Variants in C7 observed in about 807,000 individuals in gnomAD.
C7 encodes complement C7, also known as complement component C7.
In C7, 83 loss-of-function variants were observed where a neutral mutation model predicts 104.8. That is an observed-to-expected ratio of 0.79 (90% confidence interval 0.66 to 0.95). The LOEUF (loss-of-function observed/expected upper bound fraction) is 0.95. C7 is among the 40% of genes least tolerant of loss of function. The pLI is 0.00. For missense variants in C7, 1,070 were observed against 1,011.2 expected (o/e 1.06, Z -0.79); for synonymous variants, 415 against 360.6 (o/e 1.15, Z -1.71).
chr5:40,976,898 T>TC, intron 16 of C7, 58 bp downstream of exon 16: 1 of 1,307,192 alleles, frequency 7.6e-7, no homozygotes, highest in South Asian at 1.3e-5. Context: ...AGGGATAATT[T>TC]CTTAGATAAT....
chr5:40,919,791 A>G lies in C7; in HGVS notation c.7-8789A>G, dbSNP rs375314597. 7.9e-5 allele frequency among the ~76,000 whole-genome samples: 12 copies of G among 152,240 alleles called. No individual in the cohort carries two copies. The East Asian group carries it at 2.1e-3, about 27-fold the overall frequency. On this transcript the variant is annotated intron_variant, in intron 1 of 17. Transcript: ENST00000313164. ...GATAAAAATCTTGTTATCTTAAGATAAACAAAAATGGAAACACAACATAGC... is the reference window on the plus strand; with the variant it reads ...GATAAAAATCTTGTTATCTTAAGATGAACAAAAATGGAAACACAACATAGC...
At position 40,947,668 on chromosome 5, in the gene C7, T is replaced by A. The variant is rs1052406284; in HGVS notation, c.805T>A (p.Phe269Ile). 6.2e-7 allele frequency: 1 copy of A among 1,613,678 alleles called. No individual in the cohort carries two copies. Among genetic ancestry groups the A allele is most frequent in the Admixed American group, 1.7e-5 (1 of 59,910 alleles). The change falls in exon 8 of 18, where the codon TTT (phenylalanine) becomes ATT (isoleucine). Residue 269 changes from phenylalanine to isoleucine, a missense_variant. Coordinates refer to ENST00000313164, the MANE Select transcript of C7 (RefSeq NM_000587.4). ...VAQFINNNPE[F>I]LQLAEPFWKE... The stretch of plus-strand genomic sequence containing the variant: ...TCAGTTCATTAATAACAATCCAGAA[T>A]TTTTACAACTTGCTGAGCCATTCTG...
chr5:40,972,740 G>A (rs201365945), intron 15 of C7, 146 bp downstream of exon 15: 1 of 473,188 alleles, frequency 2.1e-6, no homozygotes, highest in East Asian at 4.5e-5. Context: ...TGTAGACTGA[G>A]TAACAGATTT....
At chr5:40,933,094 A>T (rs531256865) in intron 3 of C7, among the ~76,000 whole-genome samples, 12 of 152,174 alleles carry the variant, frequency 7.9e-5, no homozygotes, top group South Asian at 4.1e-4. Context: ...TGGTATCAAG[A>T]AACCTTACCG....
intron 1 of C7, among the ~76,000 whole-genome samples, chr5:40,927,660 A>T (rs762634215): frequency 6.6e-6 from 1 of 152,180 alleles, no homozygotes; most frequent in African/African-American, 2.4e-5. Context: ...AAGAGAAGAC[A>T]TGCAAATGGC....
At chr5:40,933,560 TC>T in intron 3 of C7, among the ~76,000 whole-genome samples, 1 of 152,346 alleles carries the variant, frequency 6.6e-6, no homozygotes, top group South Asian at 2.1e-4. Flanking sequence ...TATATTCTTT[TC>T]CCTCAAGAGG....
At position 40,958,035 on chromosome 5, in the gene C7, G is replaced by A; in HGVS notation, c.1263G>A (p.Leu421=). ...CTATAATGTCTTTATCTCTATAGCT[G>A]ACACCTTTATATGAGCTGGTAAAGG... The part of the protein sequence containing the change: ...TNLPQVIKQK[L]TPLYELVKEV... The change falls in exon 11 of 18, where the codon CTG becomes CTA. Residue 421 remains leucine, a splice_region_variant and synonymous_variant. Transcript: ENST00000313164. 1 of 1,608,460 alleles carries A rather than the reference G, an allele frequency of 6.2e-7. No homozygotes were observed. Among genetic ancestry groups the A allele is most frequent in the Non-Finnish European group, 8.5e-7 (1 of 1,175,916 alleles).
chr5:40,924,294 T>C (rs745425619), intron 1 of C7, among the ~76,000 whole-genome samples: 14 of 152,168 alleles, frequency 9.2e-5, no homozygotes, highest in Non-Finnish European at 1.9e-4. Context: ...TAATCTCCCT[T>C]GGCTCCAGGT....
At position 40,934,409 on chromosome 5, in the gene C7, C is replaced by G; in HGVS notation, c.223C>G (p.Pro75Ala). ...GNAFETQSCEPTRGCPTEEGC... is the reference protein window; with the variant it reads ...GNAFETQSCEATRGCPTEEGC... The stretch of plus-strand genomic sequence containing the variant: ...TGCTTTTGAAACACAGTCCTGTGAA[C>G]CTACAAGAGGATGTCCAACAGAGGA... Residue 75 changes from proline to alanine, a missense_variant, in exon 4 of 18, where the codon CCT becomes GCT. Pro to Ala is a conservative substitution (Grantham distance 27). Transcript: ENST00000313164. The G allele has an allele frequency of 6.2e-7, 1 of 1,613,660 alleles. No homozygotes were observed. Among genetic ancestry groups the G allele is most frequent in the Non-Finnish European group, 8.5e-7 (1 of 1,179,698 alleles).
intron 1 of C7, among the ~76,000 whole-genome samples, chr5:40,926,230 C>G (rs961591333): frequency 3.9e-5 from 6 of 152,168 alleles, no homozygotes; most frequent in Non-Finnish European, 8.8e-5. Context: ...AAGACTCTCA[C>G]CAAGTTAGGT....
At chr5:40,964,172 AGCTGGGACTACAGGCATGCACCAC>A in intron 13 of C7, among the ~76,000 whole-genome samples, 1 of 151,314 alleles carries the variant, frequency 6.6e-6, no homozygotes, top group South Asian at 2.1e-4. Flanking sequence ...CCTCCTGAGT[AGCTGGGACTACAGGCATGCACCAC>A]CATGCCCTGC....
Position 40,982,476 on chromosome 5 carries a change from C to T in C7, c.*903C>T, listed in dbSNP as rs1454970653. 1 of 152,356 alleles carries T rather than the reference C, an allele frequency of 6.6e-6. No homozygotes were observed. Among genetic ancestry groups the T allele is most frequent in the African/African-American group, 2.4e-5 (1 of 41,464 alleles). 9.4% of individuals were successfully genotyped at this position (152,356 alleles called of 1,614,324 possible). A position where few individuals can be genotyped will look rare whatever the true frequency, so the allele number is the denominator to read the frequency against. On this transcript the variant is annotated 3_prime_UTR_variant, in exon 18 of 18. Transcript: ENST00000313164. ...TTACTCTTGTCGGGAGATTGAACCA[C>T]TAAAATGTTAGAGCAGAATTCATTA...
At chr5:40,964,499 C>T in intron 13 of C7, 1 of 338,150 alleles carries the variant, frequency 3.0e-6, no homozygotes, top group Non-Finnish European at 5.5e-6. Flanking sequence ...TAGTATAGTC[C>T]TTGGTATTTT....
rs143145015 is a variant in C7, at chr5:40,957,450, T to A, written c.1261-583T>A. On this transcript the variant is annotated intron_variant, in intron 10 of 17. Transcript: ENST00000313164. ...TGTAACTAGAAAATGAATGTCCTAT[T>A]TTATTTTATTTTATTTTATTTTGAG... is the stretch of plus-strand genomic sequence containing the variant. Among the ~76,000 whole-genome samples the A allele has an allele frequency of 5.0e-3, 761 of 151,430 alleles. 3 individuals are homozygous for A. Among genetic ancestry groups the A allele is most frequent in the African/African-American group, 0.016 (664 of 41,494 alleles).
At chr5:40,909,932 T>C (rs1217944056) in intron 1 of C7, among the ~76,000 whole-genome samples, 1 of 151,652 alleles carries the variant, frequency 6.6e-6, no homozygotes, top group Non-Finnish European at 1.5e-5. Context: ...AGAAATACAA[T>C]AGTACTATTG....
chr5:40,926,298 A>C (rs926998100), intron 1 of C7, among the ~76,000 whole-genome samples: 1 of 152,234 alleles, frequency 6.6e-6, no homozygotes, highest in Admixed American at 6.5e-5. Context: ...CACAGCTAAC[A>C]TTACACCCAC....
chr5:40,917,965 A>G (rs1739354859), intron 1 of C7, among the ~76,000 whole-genome samples: 2 of 152,220 alleles, frequency 1.3e-5, no homozygotes, highest in South Asian at 2.1e-4. Context: ...GTAGAGTTGT[A>G]TGCAAAGTTA....
Position 40,934,429 on chromosome 5 carries a change from A to G in C7, c.243A>G (p.Thr81=). The G allele has an allele frequency of 6.2e-7, 1 of 1,613,844 alleles. No homozygotes were observed. The highest frequency in any genetic ancestry group is 8.5e-7 in the Non-Finnish European group (1 of 1,179,756). Residue 81 remains threonine (T), a synonymous_variant, in exon 4 of 18, where the codon ACA becomes ACG. Transcript: ENST00000313164. The part of the protein sequence containing the change: ...QSCEPTRGCP[T]EEGCGERFRC... ...GTGAACCTACAAGAGGATGTCCAACAGAGGAGGGATGTGGAGAGCGTTTCA... is the reference window on the plus strand; with the variant it reads ...GTGAACCTACAAGAGGATGTCCAACGGAGGAGGGATGTGGAGAGCGTTTCA...
chr5:40,984,034 T>A lies in C7; in HGVS notation c.*2461T>A, dbSNP rs1303071881. On this transcript the variant is annotated 3_prime_UTR_variant, in exon 18 of 18. Coordinates refer to ENST00000313164, the MANE Select transcript of C7 (RefSeq NM_000587.4). The stretch of plus-strand genomic sequence containing the variant: ...TGGAGGCCAAGGCACATCCTACAGA[T>A]CATCGCTTACCACTCATGAGGACGC... Among the ~76,000 whole-genome samples, 1 of 152,174 alleles carries A rather than the reference T, an allele frequency of 6.6e-6. No homozygotes were observed. The highest frequency in any genetic ancestry group is 1.9e-4 in the East Asian group (1 of 5,184).
Sources: allele counts gnomAD v4.1 joint callset (sites outside exome capture counted in the v4.1 genomes callset), GRCh38; gene constraint gnomAD v4.1.1; transcripts MANE v1.5; gene names NCBI Gene and HGNC (gene_info 2026-07-23, HGNC 2026-07-21).